Variants in GIPR observed in about 807,000 individuals in gnomAD.
The protein encoded by GIPR is GIP-R.
A neutral mutation model predicts 62.2 loss-of-function variants in GIPR; 74 were observed. That is an observed-to-expected ratio of 1.19 (90% CI 0.99 to 1.44). The LOEUF (loss-of-function observed/expected upper bound fraction) is 1.44. Ranked by LOEUF, GIPR falls within the 40% of genes most tolerant of loss-of-function variation. The probability of loss-of-function intolerance (pLI) is 0.00; values close to 1 mark genes in which losing one functional copy is unlikely to be tolerated. For missense variants in GIPR, 664 were observed against 611.8 expected, an observed-to-expected ratio of 1.09 and a Z score of -0.90; for synonymous variants, 256 against 262.2, an observed-to-expected ratio of 0.98 and a Z score of 0.23.
Position 45,672,939 on chromosome 19 carries a change from G to T in GIPR, c.369G>T (p.Lys123Asn). Residue 123 changes from lysine to asparagine, a missense_variant, in exon 5 of 14, where the codon AAG becomes AAT. By Grantham distance (94) the Lys-to-Asn change is moderately conservative. Coordinates refer to ENST00000590918, the MANE Select transcript of GIPR (RefSeq NM_000164.4). Reference sequence around the variant, plus strand: ...ATACACAATGTGAGAACCCAGAGAAGAATGAGGCCTTTCTGGTAAGAAGAG... The same window carrying T: ...ATACACAATGTGAGAACCCAGAGAATAATGAGGCCTTTCTGGTAAGAAGAG... ...RDHTQCENPEKNEAFLDQRLI... is the reference protein window; with the variant it reads ...RDHTQCENPENNEAFLDQRLI... 1 of 1,598,976 alleles carries T rather than the reference G, an allele frequency of 6.3e-7. No individual in the cohort carries two copies. The highest frequency in any genetic ancestry group is 8.6e-7 in the Non-Finnish European group (1 of 1,166,118).
At position 45,683,114 on chromosome 19, in the gene GIPR, T is replaced by G. The variant is rs768617024; in HGVS notation, c.*1179T>G. 6.6e-6 allele frequency: 1 copy of G among 152,392 alleles called. No individual in the cohort carries two copies. Among genetic ancestry groups the G allele is most frequent in the Non-Finnish European group, 1.5e-5 (1 of 68,316 alleles). 9.4% of individuals were successfully genotyped at this position (152,392 alleles called of 1,614,324 possible). A position where few individuals can be genotyped will look rare whatever the true frequency, so the allele number is the denominator to read the frequency against. ...CTTTGGATGGTGGAGAGACTAAAGA[T>G]AGAGAGATTGGGTTCGGGTAGGGGG... On this transcript the variant is annotated 3_prime_UTR_variant, in exon 14 of 14. Transcript: ENST00000590918.
chr19:45,681,600 G>GC lies in GIPR; in HGVS notation c.1153-3dup, dbSNP rs777916602. 6.2e-7 allele frequency: 1 copy of GC among 1,613,720 alleles called. No homozygotes were observed. Among genetic ancestry groups the GC allele is most frequent in the South Asian group, 1.1e-5 (1 of 91,074 alleles). ...GATGTAACCTCCGCGCCTCCTCTGGGCAGGGCTTCCTGGTCAGCGTCCTCT... is the reference window on the plus strand; with the variant it reads ...GATGTAACCTCCGCGCCTCCTCTGGGCCAGGGCTTCCTGGTCAGCGTCCTCT... On this transcript the variant is annotated splice_region_variant and splice_polypyrimidine_tract_variant and intron_variant, in intron 12 of 13. Transcript: ENST00000590918.
chr19:45,677,445 G>A lies in GIPR; in HGVS notation c.854+62G>A, dbSNP rs1361740552. On this transcript the variant is annotated intron_variant, in intron 9 of 13. Transcript: ENST00000590918. ...GGCGGGGCTTTGAGGGACTGTGGCG[G>A]GTTGTGATGGACATGTGGGCAGGGT... 6 of 1,177,966 alleles carry A rather than the reference G, an allele frequency of 5.1e-6. 1 individual carries two copies. In the East Asian group the frequency reaches 9.5e-5, roughly 19 times the overall value. The allele number at this position is 1,177,966 out of a possible 1,614,324, so 73.0% of individuals were successfully genotyped here. A position where few individuals can be genotyped will look rare whatever the true frequency, so the allele number is the denominator to read the frequency against.
chr19:45,681,885 C>CT lies in GIPR; in HGVS notation c.1352dup (p.Gly453ArgfsTer5). ...CAGCCGCGGCTTGTCCTCGGGGACCCTCCCAGGGCCTGGGAATGAGGCCAG... is the reference window on the plus strand; with the variant it reads ...CAGCCGCGGCTTGTCCTCGGGGACCCTTCCCAGGGCCTGGGAATGAGGCCAG... On this transcript the variant is annotated frameshift_variant, in exon 14 of 14. Coordinates refer to ENST00000590918, the MANE Select transcript of GIPR (RefSeq NM_000164.4). LOFTEE classifies it high-confidence loss of function. The CT allele has an allele frequency of 6.4e-7, 1 of 1,557,800 alleles. No individual in the cohort carries two copies. The highest frequency in any genetic ancestry group is 1.2e-5 in the South Asian group (1 of 84,550).
At chr19:45,679,325 T>C (rs1432030397) in intron 12 of GIPR, among the ~76,000 whole-genome samples, 3 of 151,492 alleles carry the variant, frequency 2.0e-5, no homozygotes, top group African/African-American at 7.3e-5. Flanking sequence ...ACTAAAAAAA[T>C]AGAAAAATTA....
At chr19:45,668,714 T>G (rs2146059012) in intron 1 of GIPR, among the ~76,000 whole-genome samples, 1 of 152,370 alleles carries the variant, frequency 6.6e-6, no homozygotes, top group East Asian at 1.9e-4. Context: ...TGCTTCCGTC[T>G]TTCTCTACGT....
Position 45,677,010 on chromosome 19 carries a change from C to CG in GIPR, c.696dup (p.Trp233ValfsTer78). On this transcript the variant is annotated frameshift_variant, in exon 8 of 14. Coordinates refer to ENST00000590918, the MANE Select transcript of GIPR (RefSeq NM_000164.4). LOFTEE classifies it high-confidence loss of function. The stretch of plus-strand genomic sequence containing the variant: ...CAGTACTGCGTGGGTGCCAACTACA[C>CG]GTGGCTGCTGGTGGAGGGCGTCTAC... The CG allele has an allele frequency of 1.9e-6, 3 of 1,613,976 alleles. No individual in the cohort carries two copies. Among genetic ancestry groups the CG allele is most frequent in the Non-Finnish European group, 2.5e-6 (3 of 1,179,880 alleles).
At position 45,672,947 on chromosome 19, in the gene GIPR, C is replaced by G. The variant is rs778991427; in HGVS notation, c.377C>G (p.Ala126Gly). The change falls in exon 5 of 14, where the codon GCC becomes GGC. Residue 126 changes from alanine (A) to glycine (G), a missense_variant. Ala to Gly is a moderately conservative substitution (Grantham distance 60). Coordinates refer to ENST00000590918, the MANE Select transcript of GIPR (RefSeq NM_000164.4). Reference sequence around the variant, plus strand: ...TGTGAGAACCCAGAGAAGAATGAGGCCTTTCTGGTAAGAAGAGGTGAGGGC... The same window carrying G: ...TGTGAGAACCCAGAGAAGAATGAGGGCTTTCTGGTAAGAAGAGGTGAGGGC... Reference protein sequence around the residue: ...TQCENPEKNEAFLDQRLILER... With the variant: ...TQCENPEKNEGFLDQRLILER... The G allele has an allele frequency of 2.5e-6, 4 of 1,586,138 alleles. No homozygotes were observed. The highest frequency in any genetic ancestry group is 2.6e-6 in the Non-Finnish European group (3 of 1,154,490).
In GIPR at chr19:45,682,182, A is replaced by T; in HGVS notation, c.*247A>T. 1 of 536,598 alleles carries T rather than the reference A, an allele frequency of 1.9e-6. No individual in the cohort carries two copies. The highest frequency in any genetic ancestry group is 2.3e-5 in the South Asian group (1 of 43,906). 33.2% of individuals were successfully genotyped at this position (536,598 alleles called of 1,614,324 possible). Reference sequence around the variant, plus strand: ...CTAGGGTGGTCTGGGAGGCGTCTCCAAGGAGGTGACACTTAAGCCATCCCC... The same window carrying T: ...CTAGGGTGGTCTGGGAGGCGTCTCCTAGGAGGTGACACTTAAGCCATCCCC... On this transcript the variant is annotated 3_prime_UTR_variant, in exon 14 of 14. Transcript: ENST00000590918.
At position 45,677,925 on chromosome 19, in the gene GIPR, T is replaced by C. The variant is rs751114095; in HGVS notation, c.944T>C (p.Ile315Thr). ...CCACAGATTAATTTCCTCATTTTTA[T>C]CCGCATTCTTGGCATTCTCCTGTCC... The part of the protein sequence containing the change: ...MTILINFLIF[I>T]RILGILLSKL... Residue 315 changes from isoleucine to threonine, a missense_variant, in exon 11 of 14, where the codon ATC (isoleucine) becomes ACC (threonine). Transcript: ENST00000590918. 1.2e-6 allele frequency: 2 copies of C among 1,614,062 alleles called. No individual in the cohort carries two copies. The highest frequency in any genetic ancestry group is 2.2e-5 in the East Asian group (1 of 44,864).
intron 13 of GIPR, 24 bp downstream of exon 13, chr19:45,681,669 C>T (rs374182994): frequency 1.4e-5 from 23 of 1,612,780 alleles, no homozygotes; most frequent in Non-Finnish European, 2.0e-5. Context: ...CGGCCGCCGC[C>T]CCCGCCCTCT....
Position 45,678,115 on chromosome 19 carries a change from G to T in GIPR, c.1041G>T (p.Val347=). Residue 347 remains valine (V), a synonymous_variant, in exon 12 of 14, where the codon GTG becomes GTT. Coordinates refer to ENST00000590918, the MANE Select transcript of GIPR (RefSeq NM_000164.4). ...LRLARSTLTL[V]PLLGVHEVVF... ...TGGCTCGCTCCACGCTGACGCTGGTGCCCCTGCTGGGTGTCCACGAGGTGG... is the reference window on the plus strand; with the variant it reads ...TGGCTCGCTCCACGCTGACGCTGGTTCCCCTGCTGGGTGTCCACGAGGTGG... 6.2e-7 allele frequency: 1 copy of T among 1,612,678 alleles called. No individual in the cohort carries two copies. Among genetic ancestry groups the T allele is most frequent in the South Asian group, 1.1e-5 (1 of 91,038 alleles).
At position 45,671,341 on chromosome 19, in the gene GIPR, A is replaced by C; in HGVS notation, c.229A>C (p.Asn77His). Reference protein sequence around the residue: ...MYVCWDYAAPNATARASCPWY... With the variant: ...MYVCWDYAAPHATARASCPWY... ...CGTCTGCTGGGACTATGCTGCACCC[A>C]ATGCCACTGCCCGTGCGTCCTGCCC... The change falls in exon 4 of 14, where the codon AAT becomes CAT. Residue 77 changes from asparagine to histidine, a missense_variant. Asn to His is a moderately conservative substitution (Grantham distance 68). Transcript: ENST00000590918. 2 of 1,612,828 alleles carry C rather than the reference A, an allele frequency of 1.2e-6. No individual in the cohort carries two copies. Among genetic ancestry groups the C allele is most frequent in the Non-Finnish European group, 1.7e-6 (2 of 1,179,858 alleles).
Position 45,682,186 on chromosome 19 carries a change from A to G in GIPR, c.*251A>G. The G allele has an allele frequency of 3.8e-6, 2 of 532,386 alleles. No individual in the cohort carries two copies. Among genetic ancestry groups the G allele is most frequent in the Non-Finnish European group, 6.6e-6 (2 of 301,494 alleles). The allele number at this position is 532,386 out of a possible 1,614,324, so 33.0% of individuals were successfully genotyped here. ...GGTGGTCTGGGAGGCGTCTCCAAGG[A>G]GGTGACACTTAAGCCATCCCCGAAA... On this transcript the variant is annotated 3_prime_UTR_variant, in exon 14 of 14. Coordinates refer to ENST00000590918, the MANE Select transcript of GIPR (RefSeq NM_000164.4).
chr19:45,672,728 A>G, intron 4 of GIPR, 123 bp from the exon 5 acceptor site: 1 of 710,558 alleles, frequency 1.4e-6, no homozygotes, highest in Non-Finnish European at 2.6e-6. Context: ...TATCATCATC[A>G]TCATCATCAT....
In GIPR at chr19:45,681,993, G is replaced by T; in HGVS notation, c.*58G>T. 5 of 1,392,824 alleles carry T rather than the reference G, an allele frequency of 3.6e-6. No homozygotes were observed. Among genetic ancestry groups the T allele is most frequent in the Admixed American group, 2.0e-5 (1 of 50,700 alleles). The allele number at this position is 1,392,824 out of a possible 1,614,324, so 86.3% of individuals were successfully genotyped here. On this transcript the variant is annotated 3_prime_UTR_variant, in exon 14 of 14. Transcript: ENST00000590918. ...TGGATTTATTGAGTGCCAACTGCGT[G>T]CCAGGCCCAGTACGGAGGACGCTGG...
At chr19:45,670,318 C>T (rs1975467727) in intron 2 of GIPR, 1 of 270,014 alleles carries the variant, frequency 3.7e-6, no homozygotes, top group South Asian at 5.1e-5. Context: ...AGGCGTGAGC[C>T]ACCGCGCCCG....
intron 5 of GIPR, among the ~76,000 whole-genome samples, chr19:45,673,540 G>A (rs1013938634): frequency 3.3e-5 from 5 of 151,842 alleles, no homozygotes; most frequent in African/African-American, 1.2e-4. Context: ...GACCAGCCTG[G>A]GTAACATAGT....
Position 45,677,759 on chromosome 19 carries a change from C to G in GIPR, c.904C>G (p.Pro302Ala). Residue 302 changes from proline (P) to alanine (A), a missense_variant, in exon 10 of 14, where the codon CCC becomes GCC. By Grantham distance (27) the Pro-to-Ala change is conservative. Transcript: ENST00000590918. ...GGCCATTTGGTGGATTATACGGACCCCCATCCTCATGACCATCTTGGTAGG... is the reference window on the plus strand; with the variant it reads ...GGCCATTTGGTGGATTATACGGACCGCCATCCTCATGACCATCTTGGTAGG... ...VKAIWWIIRTPILMTILINFL... is the reference protein window; with the variant it reads ...VKAIWWIIRTAILMTILINFL... 1 of 1,613,404 alleles carries G rather than the reference C, an allele frequency of 6.2e-7. No individual in the cohort carries two copies. The highest frequency in any genetic ancestry group is 8.5e-7 in the Non-Finnish European group (1 of 1,179,366).
Sources: allele counts gnomAD v4.1 joint callset (sites outside exome capture counted in the v4.1 genomes callset), GRCh38; gene constraint gnomAD v4.1.1; transcripts MANE v1.5; gene names NCBI Gene and HGNC (gene_info 2026-07-23, HGNC 2026-07-21).